Variants in EGFLAM observed in about 807,000 individuals in gnomAD.
EGFLAM encodes EGF like, fibronectin type III and laminin G domains.
Under a neutral mutation model 113.1 loss-of-function variants are expected in EGFLAM, and 79 were observed. That is an observed-to-expected ratio of 0.70 (90% CI 0.58 to 0.84). The LOEUF is 0.84. Among genes scored for constraint, EGFLAM ranks in the 40% least tolerant of loss-of-function variants. The pLI, the probability that EGFLAM is intolerant of heterozygous loss-of-function variation, is 0.00. For missense variants in EGFLAM, 1,265 were observed against 1,291.6 expected (o/e 0.98, Z 0.32); for synonymous variants, 504 against 487.6 (o/e 1.03, Z -0.44).
chr5:38,263,333 G>A (rs1328376398), intron 1 of EGFLAM, among the ~76,000 whole-genome samples: 6 of 152,066 alleles, frequency 3.9e-5, no homozygotes, highest in Non-Finnish European at 5.9e-5. Flanking sequence ...TTGGTGGCGC[G>A]TGCCTGTAGT....
chr5:38,443,133 G>A (rs1431918727), intron 17 of EGFLAM, among the ~76,000 whole-genome samples: 1 of 152,150 alleles, frequency 6.6e-6, no homozygotes, highest in Admixed American at 6.5e-5. Flanking sequence ...AGGTGTGGTG[G>A]TGCATGCCTG....
intron 15 of EGFLAM, 83 bp from the exon 16 acceptor site, chr5:38,435,054 C>A: frequency 8.4e-7 from 1 of 1,183,936 alleles, no homozygotes; most frequent in Non-Finnish European, 1.2e-6. Flanking sequence ...TTTTGTTCCC[C>A]AACAGGGAAC....
chr5:38,455,753 G>A (rs1438867708), intron 19 of EGFLAM, among the ~76,000 whole-genome samples: 1 of 152,184 alleles, frequency 6.6e-6, no homozygotes, highest in Non-Finnish European at 1.5e-5. Context: ...TGTCTGCCAG[G>A]TTCACGGTTG....
chr5:38,422,728 A>G (rs1315427625), intron 12 of EGFLAM, among the ~76,000 whole-genome samples: 1 of 152,212 alleles, frequency 6.6e-6, no homozygotes, highest in Non-Finnish European at 1.5e-5. Context: ...AAAAATGTGC[A>G]ATAAATGGAA....
At chr5:38,394,554 C>G (rs556063089) in intron 6 of EGFLAM, among the ~76,000 whole-genome samples, 11 of 151,536 alleles carry the variant, frequency 7.3e-5, no homozygotes, top group African/African-American at 2.4e-4. Context: ...GGACTACAGG[C>G]ACCCGCCACC....
intron 6 of EGFLAM, among the ~76,000 whole-genome samples, chr5:38,405,220 A>G (rs1384855914): frequency 6.6e-6 from 1 of 152,216 alleles, no homozygotes; most frequent in Non-Finnish European, 1.5e-5. Flanking sequence ...ATGAATATTT[A>G]CAGGTACCCA....
chr5:38,287,654 G>A (rs995919212), intron 1 of EGFLAM, among the ~76,000 whole-genome samples: 12 of 152,342 alleles, frequency 7.9e-5, no homozygotes, highest in African/African-American at 2.6e-4. Context: ...TTACAGGTGT[G>A]AGCCACTGCT....
intron 1 of EGFLAM, among the ~76,000 whole-genome samples, chr5:38,299,342 C>A (rs1290305894): frequency 6.6e-6 from 1 of 152,134 alleles, no homozygotes; most frequent in South Asian, 2.1e-4. Context: ...CATATAGAAG[C>A]CACAGCCCAG....
Position 38,318,684 on chromosome 5 carries a change from T to C in EGFLAM, c.98-18836T>C, listed in dbSNP as rs146767072. On this transcript the variant is annotated intron_variant, in intron 1 of 21. Transcript: ENST00000322350. ...CATGCCTGGCTAATTTTTGTGTTTT[T>C]AGTAAAGACGGCATTTCACCATATT... Among the ~76,000 whole-genome samples the C allele has an allele frequency of 1.8e-3, 268 of 152,246 alleles. 1 individual carries two copies. The highest frequency in any genetic ancestry group is 6.2e-3 in the African/African-American group (258 of 41,534).
intron 6 of EGFLAM, chr5:38,403,594 T>A (rs1370766040): frequency 4.1e-6 from 2 of 483,974 alleles, no homozygotes; most frequent in South Asian, 2.3e-5. Flanking sequence ...AGCACGGATA[T>A]GCCAGACAGA....
rs561880170 is a variant in EGFLAM at position 38,394,636 on chromosome 5, C to T, written c.713-11490C>T. On this transcript the variant is annotated intron_variant, in intron 6 of 21. Transcript: ENST00000322350. ...GTGTTAGCCAGGATGGTCTCGATCT[C>T]CTGACCTCGTGATCCACCCGCCTCG... is the stretch of plus-strand genomic sequence containing the variant. Among the ~76,000 whole-genome samples, 7 of 151,564 alleles carry T rather than the reference C, an allele frequency of 4.6e-5. No individual in the cohort carries two copies. The East Asian group carries it at 1.4e-3, about 30-fold the overall frequency.
intron 1 of EGFLAM, among the ~76,000 whole-genome samples, chr5:38,265,945 C>A (rs1448307324): frequency 2.0e-5 from 3 of 152,196 alleles, no homozygotes; most frequent in Non-Finnish European, 1.5e-5. Flanking sequence ...TACCTCGACC[C>A]AGGTACTCTG....
chr5:38,425,476 T>C (rs1405709483), intron 13 of EGFLAM, among the ~76,000 whole-genome samples: 3 of 152,130 alleles, frequency 2.0e-5, no homozygotes, highest in African/African-American at 7.2e-5. Flanking sequence ...CTCATCAATG[T>C]ACTTTTAACA....
At chr5:38,385,285 C>CCCCCCG (rs1554010265) in intron 6 of EGFLAM, among the ~76,000 whole-genome samples, 1 of 110,566 alleles carries the variant, frequency 9.0e-6, no homozygotes, top group Non-Finnish European at 2.0e-5. Flanking sequence ...CCCACCCCCC[C>CCCCCCG]CCCCCGCCCC....
chr5:38,449,252 T>G (rs1180441213), intron 18 of EGFLAM, among the ~76,000 whole-genome samples: 1 of 152,178 alleles, frequency 6.6e-6, no homozygotes, highest in Non-Finnish European at 1.5e-5. Context: ...AGGCATCCAG[T>G]TCTTAGGGTG....
chr5:38,267,061 T>C (rs1372666774), intron 1 of EGFLAM, among the ~76,000 whole-genome samples: 1 of 152,208 alleles, frequency 6.6e-6, no homozygotes, highest in Non-Finnish European at 1.5e-5. Flanking sequence ...ACAATAGTCA[T>C]AGTAATTATT....
chr5:38,420,687 T>C (rs1308354658), intron 12 of EGFLAM, among the ~76,000 whole-genome samples: 1 of 152,214 alleles, frequency 6.6e-6, no homozygotes, highest in Non-Finnish European at 1.5e-5. Context: ...ATCTGTTTCT[T>C]CAGGGGAACA....
Position 38,266,442 on chromosome 5 carries a change from C to G in EGFLAM, c.97+7591C>G, listed in dbSNP as rs374337912. Among the ~76,000 whole-genome samples, 24 of 152,300 alleles carry G rather than the reference C, an allele frequency of 1.6e-4. No homozygotes were observed. The East Asian group carries it at 3.1e-3, about 20-fold the overall frequency. On this transcript the variant is annotated intron_variant, in intron 1 of 21. Coordinates refer to ENST00000322350, the MANE Select transcript of EGFLAM (RefSeq NM_152403.4). Reference sequence around the variant, plus strand: ...GCAGGGCATTAAAAAGGATTAAAGACTGACATGTGAAGGCAATATTTAAGA... The same window carrying G: ...GCAGGGCATTAAAAAGGATTAAAGAGTGACATGTGAAGGCAATATTTAAGA...
At chr5:38,391,850 C>T (rs746770630) in intron 6 of EGFLAM, among the ~76,000 whole-genome samples, 6 of 151,270 alleles carry the variant, frequency 4.0e-5, no homozygotes, top group Non-Finnish European at 8.8e-5. Context: ...AACCTTGGCT[C>T]ACTGCAAACT....
Sources: allele counts gnomAD v4.1 joint callset (sites outside exome capture counted in the v4.1 genomes callset), GRCh38; gene constraint gnomAD v4.1.1; transcripts MANE v1.5; gene names NCBI Gene and HGNC (gene_info 2026-07-23, HGNC 2026-07-21).